The following PYGB variants were observed in gnomAD, a reference collection of about 807,000 sequenced individuals.
PYGB encodes the protein glycogen phosphorylase, brain form.
Under a neutral mutation model 94.3 loss-of-function variants are expected in PYGB, and 82 were observed. The ratio of observed to expected loss-of-function variants is 0.87; its 90% confidence interval spans 0.73 to 1.04. The LOEUF (loss-of-function observed/expected upper bound fraction) is 1.04, where lower values mean the gene tolerates loss of function less well. Among genes scored for constraint, PYGB ranks in the 50% least tolerant of loss-of-function variants. The pLI is 0.00. For missense variants in PYGB, 1,132 were observed against 1,158.2 expected, an observed-to-expected ratio of 0.98 and a Z score of 0.33; for synonymous variants, 488 against 479.1, an observed-to-expected ratio of 1.02 and a Z score of -0.24.
intron 10 of PYGB, 51 bp downstream of exon 10, chr20:25,280,463 A>G (rs750553645): frequency 2.5e-6 from 4 of 1,589,998 alleles, no homozygotes; most frequent in Middle Eastern, 1.7e-4. Context: ...ACCCATGCCA[A>G]CGGCCCCCCA....
chr20:25,258,918 T>G (rs2092907805), intron 1 of PYGB, among the ~76,000 whole-genome samples: 1 of 152,254 alleles, frequency 6.6e-6, no homozygotes, highest in Admixed American at 6.5e-5. Context: ...GACCTGGGTC[T>G]GTCCAGTTCT....
chr20:25,260,175 G>A (rs1052201396), intron 2 of PYGB, among the ~76,000 whole-genome samples: 4 of 152,202 alleles, frequency 2.6e-5, no homozygotes, highest in Non-Finnish European at 4.4e-5. Context: ...CCGCATGTTC[G>A]AAATTAGCTA....
chr20:25,284,313 A>G, intron 14 of PYGB, 62 bp downstream of exon 14: 1 of 1,573,404 alleles, frequency 6.4e-7, no homozygotes, highest in Non-Finnish European at 8.6e-7. Context: ...CTTGCCCGCC[A>G]GCTGTGCACA....
In PYGB at chr20:25,248,378, G is replaced by T. The variant is rs868113937; in HGVS notation, c.200G>T (p.Arg67Leu). Residue 67 changes from arginine (R) to leucine (L), a missense_variant, in exon 1 of 20, where the codon CGC becomes CTC. Transcript: ENST00000216962. ...AHTVRDHLVGRWIRTQQHYYE... is the reference protein window; with the variant it reads ...AHTVRDHLVGLWIRTQQHYYE... ...ACGGTGCGCGACCACCTCGTGGGCC[G>T]CTGGATCCGCACGCAGCAGCACTAC... 3 of 1,590,950 alleles carry T rather than the reference G, an allele frequency of 1.9e-6. No individual in the cohort carries two copies. The highest frequency in any genetic ancestry group is 1.7e-4 in the Middle Eastern group (1 of 5,978).
At chr20:25,249,787 A>C (rs1223084166) in intron 1 of PYGB, among the ~76,000 whole-genome samples, 3 of 152,130 alleles carry the variant, frequency 2.0e-5, no homozygotes, top group Non-Finnish European at 4.4e-5. Flanking sequence ...CAGGAAAAGC[A>C]GCCAAGAAGC....
chr20:25,276,821 C>G, intron 6 of PYGB, 64 bp downstream of exon 6: 4 of 1,482,498 alleles, frequency 2.7e-6, no homozygotes, highest in Non-Finnish European at 3.7e-6. Flanking sequence ...ACACCCTCGC[C>G]CACAGCCTTT....
intron 3 of PYGB, among the ~76,000 whole-genome samples, chr20:25,271,116 G>A (rs1306268123): frequency 1.3e-5 from 2 of 152,162 alleles, no homozygotes; most frequent in Non-Finnish European, 2.9e-5. Context: ...CTTCGTGCTT[G>A]GAGAGGTTCC....
intron 17 of PYGB, 191 bp from the exon 18 acceptor site, chr20:25,293,967 C>CGG: frequency 2.8e-5 from 18 of 651,800 alleles, no homozygotes; most frequent in East Asian, 8.3e-5. Flanking sequence ...CTTCACATCT[C>CGG]TGCTCGAGCA....
In PYGB at chr20:25,297,538, C is replaced by T. The variant is rs1192970912; in HGVS notation, c.*1016C>T. On this transcript the variant is annotated 3_prime_UTR_variant, in exon 20 of 20. Coordinates refer to ENST00000216962, the MANE Select transcript of PYGB (RefSeq NM_002862.4). The stretch of plus-strand genomic sequence containing the variant: ...TCGTCTGGAAAAAGGACCAGGGGTC[C>T]CGGAGGAACCCATTTGTGCTCTGCT... The T allele has an allele frequency of 6.6e-6, 1 of 152,276 alleles. No homozygotes were observed. The highest frequency in any genetic ancestry group is 1.5e-5 in the Non-Finnish European group (1 of 68,100). 9.4% of individuals were successfully genotyped at this position (152,276 alleles called of 1,614,324 possible).
chr20:25,265,123 C>T (rs1019036677), intron 2 of PYGB, among the ~76,000 whole-genome samples: 1 of 152,162 alleles, frequency 6.6e-6, no homozygotes, highest in East Asian at 1.9e-4. Context: ...AATAATACCA[C>T]ACATCTACAA....
At chr20:25,286,485 G>C (rs907079669) in intron 14 of PYGB, among the ~76,000 whole-genome samples, 1 of 152,190 alleles carries the variant, frequency 6.6e-6, no homozygotes, top group African/African-American at 2.4e-5. Flanking sequence ...GATTTGCGAA[G>C]GGGTTCACTC....
At chr20:25,272,699 C>T (rs2088277653) in intron 4 of PYGB, among the ~76,000 whole-genome samples, 2 of 152,232 alleles carry the variant, frequency 1.3e-5, no homozygotes, top group Non-Finnish European at 2.9e-5. Flanking sequence ...CCCTCTGCAA[C>T]CTTAGAAAGG....
chr20:25,259,440 C>T, intron 2 of PYGB, 102 bp downstream of exon 2: 1 of 872,900 alleles, frequency 1.1e-6, no homozygotes, highest in Non-Finnish European at 1.8e-6. Flanking sequence ...AGACTAGCAG[C>T]TATCTGGGAA....
intron 6 of PYGB, 64 bp from the exon 7 acceptor site, chr20:25,277,180 T>TG: frequency 7.5e-7 from 1 of 1,329,140 alleles, no homozygotes; most frequent in Non-Finnish European, 1.1e-6. Context: ...AGTAGGCCCC[T>TG]GAGCGGTTGC....
At chr20:25,276,905 G>C (rs1401925587) in intron 6 of PYGB, 148 bp downstream of exon 6, 3 of 747,424 alleles carry the variant, frequency 4.0e-6, no homozygotes, top group Non-Finnish European at 6.5e-6. Flanking sequence ...CCAGTGAAGA[G>C]CGAGGCTGGT....
intron 17 of PYGB, 24 bp downstream of exon 17, chr20:25,292,637 C>T: frequency 1.2e-6 from 2 of 1,604,798 alleles, no homozygotes; most frequent in Non-Finnish European, 1.7e-6. Flanking sequence ...CCCCTGGGCA[C>T]CTGGCACCGT....
intron 1 of PYGB, among the ~76,000 whole-genome samples, chr20:25,249,260 G>T (rs777298333): frequency 6.6e-6 from 1 of 152,126 alleles, no homozygotes; most frequent in African/African-American, 2.4e-5. Context: ...TGTTTCATTC[G>T]TAAACATTTG....
At chr20:25,281,143 G>T (rs781490553) in intron 11 of PYGB, 31 bp downstream of exon 11, 87 of 1,611,470 alleles carry the variant, frequency 5.4e-5, no homozygotes, top group Non-Finnish European at 7.0e-5. Context: ...AGCGGGGCCA[G>T]CTCTGTCTGA....
chr20:25,292,329 CT>C, intron 16 of PYGB, 76 bp from the exon 17 acceptor site: 1 of 1,527,868 alleles, frequency 6.5e-7, no homozygotes. Context: ...GATGGGCCGG[CT>C]TGTCCTGCAG....
Sources: gnomAD v4.1 joint callset for allele counts (sites outside exome capture counted in the v4.1 genomes callset) on GRCh38, gnomAD v4.1.1 for gene constraint, MANE v1.5 for transcripts, NCBI Gene and HGNC (gene_info 2026-07-23, HGNC 2026-07-21) for gene names.